ACER3: variants seen among roughly 807,000 people sequenced by gnomAD.
ACER3 encodes alkCDase 3.
Under a neutral mutation model 48.9 loss-of-function variants are expected in ACER3, and 16 were observed. That is an observed-to-expected ratio of 0.33 (90% CI 0.22 to 0.50). The LOEUF is 0.50. Ranked by LOEUF, ACER3 falls within the 20% of genes least tolerant of loss-of-function variation. The pLI is 0.98. For synonymous variants in ACER3, 109 were observed against 107.8 expected (o/e 1.01, Z -0.07); for missense variants, 227 against 326.0 (o/e 0.70, Z 2.34).
At chr11:77,010,550 G>C (rs144376686) in intron 7 of ACER3, among the ~76,000 whole-genome samples, 11 of 151,724 alleles carry the variant, frequency 7.3e-5, no homozygotes, top group African/African-American at 2.7e-4. Context: ...GCAGAGAATA[G>C]AGAAAATGGA....
intron 1 of ACER3, among the ~76,000 whole-genome samples, chr11:76,889,072 A>G (rs1945743614): frequency 6.6e-6 from 1 of 152,208 alleles, no homozygotes; most frequent in African/African-American, 2.4e-5. Context: ...GCTATTAAGT[A>G]GCCCCACAAG....
At chr11:77,018,766 C>A (rs1684986338) in intron 9 of ACER3, among the ~76,000 whole-genome samples, 2 of 152,184 alleles carry the variant, frequency 1.3e-5, no homozygotes, top group Admixed American at 6.5e-5. Context: ...GATCAAGGCC[C>A]CAACTCACTT....
chr11:76,941,031 ACACACACACG>A lies in ACER3; in HGVS notation c.214+14374_214+14383del, dbSNP rs774246236. Reference sequence around the variant, plus strand: ...TGTATAAACACACACACACACACACACACACACACGCACACACACACGCACACAGAAAGCA... The same window carrying A: ...TGTATAAACACACACACACACACACACACACACACACGCACACAGAAAGCA... On this transcript the variant is annotated intron_variant, in intron 2 of 10. Transcript: ENST00000532485. Among the ~76,000 whole-genome samples, 484 of 136,002 alleles carry A rather than the reference ACACACACACG, an allele frequency of 3.6e-3. 1 individual carries two copies. The highest frequency in any genetic ancestry group is 0.016 in the African/African-American group (443 of 27,882). 89.2% of individuals were successfully genotyped at this position (136,002 alleles called of 152,430 possible). A position where few individuals can be genotyped will look rare whatever the true frequency, so the allele number is the denominator to read the frequency against.
At chr11:77,019,633 G>T in intron 9 of ACER3, 98 bp from the exon 10 acceptor site, 1 of 1,169,732 alleles carries the variant, frequency 8.5e-7, no homozygotes, top group Non-Finnish European at 1.3e-6. Context: ...TTTTTGCTTC[G>T]TACATGCAGA....
At chr11:76,981,085 G>A (rs1004201172) in intron 4 of ACER3, among the ~76,000 whole-genome samples, 44 of 152,274 alleles carry the variant, frequency 2.9e-4, no homozygotes, top group African/African-American at 9.1e-4. Flanking sequence ...GAGTAGAAAG[G>A]GATAGAGCTT....
At chr11:76,996,240 G>T (rs992136981) in intron 6 of ACER3, among the ~76,000 whole-genome samples, 3 of 151,866 alleles carry the variant, frequency 2.0e-5, no homozygotes, top group African/African-American at 7.3e-5. Context: ...CCCTAGTTCA[G>T]GTCTCTATCT....
At chr11:76,905,838 G>A (rs57756929) in intron 1 of ACER3, among the ~76,000 whole-genome samples, 16,596 of 152,070 alleles carry the variant, frequency 0.11, 2,984 homozygotes, top group African/African-American at 0.38. Context: ...CACTTATTTT[G>A]ATAAAACAAG....
intron 1 of ACER3, chr11:76,867,995 C>A: frequency 1.3e-6 from 1 of 746,226 alleles, no homozygotes; most frequent in Non-Finnish European, 1.9e-6. Flanking sequence ...TCTTTTTTTT[C>A]CTTGCTGCTG....
chr11:76,990,511 C>A, intron 5 of ACER3, 28 bp from the exon 6 acceptor site: 1 of 1,466,554 alleles, frequency 6.8e-7, no homozygotes, highest in Non-Finnish European at 9.5e-7. Flanking sequence ...GTACTTCATT[C>A]ACATGTGTTT....
At chr11:76,997,001 C>T (rs553643590) in intron 6 of ACER3, among the ~76,000 whole-genome samples, 1 of 152,290 alleles carries the variant, frequency 6.6e-6, no homozygotes, top group Non-Finnish European at 1.5e-5. Flanking sequence ...GCTGGGATTA[C>T]AGGCGTGAGC....
intron 8 of ACER3, 175 bp downstream of exon 8, chr11:77,015,292 C>A: frequency 2.0e-6 from 1 of 490,548 alleles, no homozygotes; most frequent in Non-Finnish European, 3.5e-6. Context: ...TTTAAATTAC[C>A]TAAAATTTTG....
chr11:76,924,085 G>A (rs560903054), intron 1 of ACER3, among the ~76,000 whole-genome samples: 41 of 152,132 alleles, frequency 2.7e-4, no homozygotes, highest in Middle Eastern at 6.8e-3. Context: ...CCAAGGTCCC[G>A]CTGGGTACTC....
intron 2 of ACER3, among the ~76,000 whole-genome samples, chr11:76,934,787 T>A (rs1470353066): frequency 7.8e-6 from 1 of 128,706 alleles, no homozygotes; most frequent in African/African-American, 2.6e-5. Context: ...GGGATTGAAT[T>A]AGAAATCTTG....
intron 1 of ACER3, among the ~76,000 whole-genome samples, chr11:76,872,937 G>T (rs1945283470): frequency 7.7e-6 from 1 of 130,262 alleles, no homozygotes; most frequent in East Asian, 2.1e-4. Context: ...TTTGAGACAG[G>T]GTCTCATGCT....
At chr11:76,948,688 C>G (rs949905296) in intron 2 of ACER3, among the ~76,000 whole-genome samples, 1 of 152,124 alleles carries the variant, frequency 6.6e-6, no homozygotes, top group African/African-American at 2.4e-5. Context: ...TATTCTAGGT[C>G]CCTTCTTATG....
chr11:76,985,599 A>G (rs1345869246), intron 4 of ACER3, 44 bp from the exon 5 acceptor site: 1 of 1,215,224 alleles, frequency 8.2e-7, no homozygotes, highest in African/African-American at 1.6e-5. Flanking sequence ...TTATGTTCCT[A>G]CTTATATATT....
At chr11:76,946,741 C>T (rs1947484194) in intron 2 of ACER3, among the ~76,000 whole-genome samples, 1 of 152,176 alleles carries the variant, frequency 6.6e-6, no homozygotes, top group Non-Finnish European at 1.5e-5. Context: ...TCTGTAGGTT[C>T]CTGATATCTA....
At position 76,976,272 on chromosome 11, in the gene ACER3, ATCTT is replaced by A; in HGVS notation, c.268-15_268-12del. 1 of 1,589,362 alleles carries A rather than the reference ATCTT, an allele frequency of 6.3e-7. No individual in the cohort carries two copies. Among genetic ancestry groups the A allele is most frequent in the Non-Finnish European group, 8.6e-7 (1 of 1,161,118 alleles). On this transcript the variant is annotated splice_polypyrimidine_tract_variant and intron_variant, in intron 3 of 10. Coordinates refer to ENST00000532485, the MANE Select transcript of ACER3 (RefSeq NM_018367.7). ...TCCATGATATTCAAGCCTGTTATCTATCTTTGTTTCTTACAGCTATTGGATGAAC... is the reference window on the plus strand; with the variant it reads ...TCCATGATATTCAAGCCTGTTATCTATGTTTCTTACAGCTATTGGATGAAC...
intron 2 of ACER3, among the ~76,000 whole-genome samples, chr11:76,937,103 A>T (rs1590958880): frequency 6.6e-6 from 1 of 152,136 alleles, no homozygotes; most frequent in Non-Finnish European, 1.5e-5. Flanking sequence ...AGAAAGATAT[A>T]AAAAATAGCT....
Sources: allele counts gnomAD v4.1 joint callset (sites outside exome capture counted in the v4.1 genomes callset), GRCh38; gene constraint gnomAD v4.1.1; transcripts MANE v1.5; gene names NCBI Gene and HGNC (gene_info 2026-07-23, HGNC 2026-07-21).